The following ROBO2 variants were observed in gnomAD, a reference collection of about 807,000 sequenced individuals.
The protein encoded by ROBO2 is roundabout homolog 2.
ROBO2 carries 53 observed loss-of-function variants against 160.8 expected under a neutral mutation model. That is an observed-to-expected ratio of 0.33 (90% CI 0.26 to 0.41). The LOEUF is 0.41. ROBO2 is among the 10% of genes least tolerant of loss of function. The pLI is 1.00. For synonymous variants in ROBO2, 664 were observed against 611.7 expected (o/e 1.09, Z -1.26); for missense variants, 1,577 against 1,722.4 (o/e 0.92, Z 1.49).
At position 76,503,000 on chromosome 3, in the gene ROBO2, A is replaced by ATATGTG. The variant is rs1553776535; in HGVS notation, c.109+565399_109+565400insATGTGT. On this transcript the variant is annotated intron_variant, in intron 2 of 26. Transcript: ENST00000487694. ...CAGAACTAACAGGATATATATATATATGTGTGTGTGTGTGTGTGTGCGCGC... is the reference window on the plus strand; with the variant it reads ...CAGAACTAACAGGATATATATATATATATGTGTGTGTGTGTGTGTGTGTGTGCGCGC... 5.5e-4 allele frequency among the ~76,000 whole-genome samples: 79 copies of ATATGTG among 143,142 alleles called. 1 individual carries two copies. In the East Asian group the frequency reaches 0.011, roughly 19 times the overall value. The allele number at this position is 143,142 out of a possible 152,430, so 93.9% of individuals were successfully genotyped here. A position where few individuals can be genotyped will look rare whatever the true frequency, so the allele number is the denominator to read the frequency against.
chr3:75,951,927 A>G (rs182011394), intron 2 of ROBO2, among the ~76,000 whole-genome samples: 1 of 152,104 alleles, frequency 6.6e-6, no homozygotes, highest in Admixed American at 6.6e-5. Flanking sequence ...TCCTTTATCA[A>G]TCAAAATAAA....
intron 2 of ROBO2, among the ~76,000 whole-genome samples, chr3:77,370,003 G>A (rs2071496201): frequency 6.6e-6 from 1 of 152,180 alleles, no homozygotes; most frequent in Non-Finnish European, 1.5e-5. Flanking sequence ...TAAATACATT[G>A]TAGATGCAAC....
At chr3:77,035,408 T>C (rs1253918650), upstream of ROBO2, among the ~76,000 whole-genome samples, 6 of 151,900 alleles carry the variant, frequency 3.9e-5, no homozygotes. Flanking sequence ...TTTGGAAGTA[T>C]CACCGAACTC....
intron 2 of ROBO2, among the ~76,000 whole-genome samples, chr3:76,452,002 G>A (rs1043958846): frequency 6.6e-6 from 1 of 152,028 alleles, no homozygotes; most frequent in Non-Finnish European, 1.5e-5. Flanking sequence ...AGTTATTTCT[G>A]TTTGTGTGTG....
chr3:76,097,454 G>A (rs769246787), intron 2 of ROBO2, among the ~76,000 whole-genome samples: 1 of 152,114 alleles, frequency 6.6e-6, no homozygotes, highest in Non-Finnish European at 1.5e-5. Flanking sequence ...TGAGTTCCTG[G>A]TGTGTCATGT....
In ROBO2 at chr3:77,201,834, T is replaced by C. The variant is rs187480230; in HGVS notation, c.388+103494T>C. Among the ~76,000 whole-genome samples, 450 of 152,258 alleles carry C rather than the reference T, an allele frequency of 3.0e-3. 3 individuals carry two copies. Among genetic ancestry groups the C allele is most frequent in the African/African-American group, 9.9e-3 (410 of 41,552 alleles). The stretch of plus-strand genomic sequence containing the variant: ...TAGACTTGTATTCTAAAATCTACAG[T>C]AAGAAACGGTGAGATATAACTGCCA... On this transcript the variant is annotated intron_variant, in intron 2 of 25. Transcript: ENST00000461745.
intron 2 of ROBO2, among the ~76,000 whole-genome samples, chr3:76,935,055 G>T (rs534914936): frequency 1.3e-5 from 2 of 150,926 alleles, no homozygotes; most frequent in Non-Finnish European, 2.9e-5. Flanking sequence ...AGGCTCAGGC[G>T]ATCCTCCCAC....
chr3:76,853,132 GTTACTAT>G (rs2148553253), intron 2 of ROBO2, among the ~76,000 whole-genome samples: 1 of 151,910 alleles, frequency 6.6e-6, no homozygotes, highest in African/African-American at 2.4e-5. Context: ...TTTCCATATT[GTTACTAT>G]TTAACTCTTG....
At chr3:76,887,193 C>CCTTTTTTTTTTTTTTTTTTTTTTT (rs1178064382) in intron 2 of ROBO2, among the ~76,000 whole-genome samples, 1 of 120,444 alleles carries the variant, frequency 8.3e-6, no homozygotes. Flanking sequence ...CTTCAGGAAG[C>CCTTTTTTTTTTTTTTTTTTTTTTT]ATTTTTTTTT....
chr3:77,597,374 G>A (rs1470417870), intron 19 of ROBO2, among the ~76,000 whole-genome samples: 1 of 152,056 alleles, frequency 6.6e-6, no homozygotes, highest in Admixed American at 6.6e-5. Flanking sequence ...TTCAAAATTT[G>A]GTGCCAGAGT....
chr3:76,140,515 TA>T (rs2071593294), intron 2 of ROBO2, among the ~76,000 whole-genome samples: 1 of 152,086 alleles, frequency 6.6e-6, no homozygotes, highest in Non-Finnish European at 1.5e-5. Flanking sequence ...GTTACACTAG[TA>T]ACTTCAGTGG....
chr3:77,122,854 C>T (rs2074916439), intron 2 of ROBO2, among the ~76,000 whole-genome samples: 1 of 152,168 alleles, frequency 6.6e-6, no homozygotes, highest in African/African-American at 2.4e-5. Context: ...GAATACACTG[C>T]CTCTTTTTCC....
intron 2 of ROBO2, among the ~76,000 whole-genome samples, chr3:77,212,472 G>T (rs1264940277): frequency 7.9e-5 from 12 of 152,046 alleles, no homozygotes; most frequent in African/African-American, 1.7e-4. Context: ...AAGGAGATTT[G>T]GGGCTGAGAC....
At chr3:76,224,367 C>T (rs976398699) in intron 2 of ROBO2, among the ~76,000 whole-genome samples, 9 of 152,132 alleles carry the variant, frequency 5.9e-5, no homozygotes, top group South Asian at 2.1e-4. Flanking sequence ...GAGGCAGAGG[C>T]GTTGGTGTCT....
chr3:76,319,731 A>AT (rs928631940), intron 2 of ROBO2, among the ~76,000 whole-genome samples: 14 of 149,814 alleles, frequency 9.3e-5, no homozygotes, highest in Non-Finnish European at 1.6e-4. Context: ...GTTTATTTAT[A>AT]TTTTTTTCCC....
intron 2 of ROBO2, among the ~76,000 whole-genome samples, chr3:76,197,279 T>A (rs1702304571): frequency 6.7e-6 from 1 of 148,826 alleles, no homozygotes; most frequent in African/African-American, 2.5e-5. Context: ...TAGATTTGGA[T>A]CTGGGCCTGC....
At chr3:76,812,573 C>G (rs550519800) in intron 2 of ROBO2, among the ~76,000 whole-genome samples, 14 of 151,934 alleles carry the variant, frequency 9.2e-5, no homozygotes, top group African/African-American at 2.9e-4. Flanking sequence ...ATTTTTCTAC[C>G]TTTCTGGATT....
chr3:77,374,275 T>A (rs2072311593), intron 2 of ROBO2, among the ~76,000 whole-genome samples: 1 of 151,670 alleles, frequency 6.6e-6, no homozygotes. Context: ...TCTTAGTTTT[T>A]TTGGTGTTTT....
At chr3:76,378,902 A>T (rs73840926) in intron 2 of ROBO2, among the ~76,000 whole-genome samples, 3,942 of 152,296 alleles carry the variant, frequency 0.026, 159 homozygotes, top group African/African-American at 0.09. Context: ...CTTGCAGCAA[A>T]CGCTGCTGAA....
Sources: gnomAD v4.1 joint callset for allele counts (sites outside exome capture counted in the v4.1 genomes callset) on GRCh38, gnomAD v4.1.1 for gene constraint, MANE v1.5 for transcripts, NCBI Gene and HGNC (gene_info 2026-07-23, HGNC 2026-07-21) for gene names.